USP13: variants seen among roughly 807,000 people sequenced by gnomAD.
USP13 encodes the protein ubiquitin specific peptidase 13, also known as ubiquitin carboxyl-terminal hydrolase 13.
In USP13, 68 loss-of-function variants were observed where a neutral mutation model predicts 107.8. The observed-to-expected ratio is 0.63, with a 90% CI of 0.52 to 0.77. The LOEUF is 0.77. USP13 is among the 30% of genes least tolerant of loss of function. The pLI is 0.00. For synonymous variants in USP13, 377 were observed against 389.5 expected, an observed-to-expected ratio of 0.97 and a Z score of 0.38; for missense variants, 945 against 1,093.3, an observed-to-expected ratio of 0.86 and a Z score of 1.91.
intron 10 of USP13, among the ~76,000 whole-genome samples, chr3:179,734,872 G>A (rs1713934655): frequency 6.6e-6 from 1 of 152,214 alleles, no homozygotes; most frequent in African/African-American, 2.4e-5. Flanking sequence ...TTGCTGTGAT[G>A]TGATAAAAGC....
intron 2 of USP13, among the ~76,000 whole-genome samples, chr3:179,684,519 C>T (rs1711796387): frequency 6.6e-6 from 1 of 151,690 alleles, no homozygotes; most frequent in Non-Finnish European, 1.5e-5. Flanking sequence ...CCATGTTTCC[C>T]AGGTGACCAT....
chr3:179,782,720 A>G (rs901640702), intron 20 of USP13, among the ~76,000 whole-genome samples: 2 of 152,104 alleles, frequency 1.3e-5, no homozygotes, highest in Non-Finnish European at 2.9e-5. Flanking sequence ...TGTCTTCTTA[A>G]CTTGGTAAAA....
chr3:179,684,270 T>TACAC (rs58817778), intron 2 of USP13, among the ~76,000 whole-genome samples: 39,397 of 115,172 alleles, frequency 0.34, 6,635 homozygotes, highest in Non-Finnish European at 0.4. Context: ...TATCACCCTT[T>TACAC]ACACACACAC....
Position 179,690,275 on chromosome 3 carries a change from A to G in USP13, c.329A>G (p.Lys110Arg). Residue 110 changes from lysine to arginine, a missense_variant, in exon 3 of 21, where the codon AAA (lysine) becomes AGA (arginine). Transcript: ENST00000263966. ...GGGGCGTCTGGTGGAGCGTTACCAA[A>G]AAGGAGGAATTCCAAGATTTTTTTA... The part of the protein sequence containing the change: ...VRGASGGALP[K>R]RRNSKIFLDL... 1 of 1,614,054 alleles carries G rather than the reference A, an allele frequency of 6.2e-7. No individual in the cohort carries two copies. Among genetic ancestry groups the G allele is most frequent in the South Asian group, 1.1e-5 (1 of 91,042 alleles).
chr3:179,676,172 G>A (rs1251948599), intron 1 of USP13, among the ~76,000 whole-genome samples: 4 of 152,070 alleles, frequency 2.6e-5, no homozygotes, highest in South Asian at 2.1e-4. Context: ...TTCACCTTCC[G>A]CCATGATTTT....
intron 1 of USP13, among the ~76,000 whole-genome samples, chr3:179,673,956 G>A (rs1164247134): frequency 1.3e-5 from 2 of 152,276 alleles, no homozygotes; most frequent in East Asian, 1.9e-4. Context: ...GCAATGGCGC[G>A]ATCTTGGCTC....
At chr3:179,689,353 A>G (rs748748372) in intron 2 of USP13, among the ~76,000 whole-genome samples, 2 of 152,162 alleles carry the variant, frequency 1.3e-5, no homozygotes, top group Non-Finnish European at 2.9e-5. Flanking sequence ...GGCTTCCATC[A>G]TAGGTAGAAA....
intron 6 of USP13, among the ~76,000 whole-genome samples, chr3:179,715,287 A>C (rs761094816): frequency 6.6e-6 from 1 of 151,494 alleles, no homozygotes; most frequent in Admixed American, 6.6e-5. Context: ...CAGCCTCTAA[A>C]AGTCCTAGGA....
At chr3:179,752,043 A>C (rs1576977379) in intron 13 of USP13, among the ~76,000 whole-genome samples, 1 of 152,196 alleles carries the variant, frequency 6.6e-6, no homozygotes, top group Admixed American at 6.5e-5. Context: ...GCACCTACCC[A>C]AAAGCATTCT....
intron 13 of USP13, among the ~76,000 whole-genome samples, chr3:179,747,918 A>G (rs1714465856): frequency 6.6e-6 from 1 of 152,192 alleles, no homozygotes. Flanking sequence ...GTCTGCATAC[A>G]CACATGCTCT....
At position 179,744,343 on chromosome 3, in the gene USP13, GTTT is replaced by G. The variant is rs3216643; in HGVS notation, c.1535-691_1535-689del. Among the ~76,000 whole-genome samples the G allele has an allele frequency of 4.5e-3, 549 of 121,232 alleles. 2 individuals carry two copies. Among genetic ancestry groups the G allele is most frequent in the Non-Finnish European group, 6.7e-3 (354 of 52,644 alleles). The allele number at this position is 121,232 out of a possible 152,430, so 79.5% of individuals were successfully genotyped here. ...TTGCCAGGCGCTTAGTGGTGGTTCT[GTTT>G]TTTTTTTTGTTTTGTTTTGTTTTTT... On this transcript the variant is annotated intron_variant, in intron 12 of 20. Coordinates refer to ENST00000263966, the MANE Select transcript of USP13 (RefSeq NM_003940.3).
intron 6 of USP13, among the ~76,000 whole-genome samples, chr3:179,719,184 C>T (rs964513649): frequency 3.9e-4 from 59 of 152,132 alleles, no homozygotes; most frequent in African/African-American, 1.4e-3. Flanking sequence ...CCAACACTAG[C>T]GTCTCTCAAA....
intron 19 of USP13, among the ~76,000 whole-genome samples, chr3:179,780,896 A>G (rs1161393768): frequency 1.3e-5 from 2 of 152,102 alleles, no homozygotes; most frequent in African/African-American, 2.4e-5. Context: ...ATTAAATTCA[A>G]CAGACATACA....
chr3:179,732,378 G>A (rs930970199), intron 10 of USP13, among the ~76,000 whole-genome samples: 10 of 152,174 alleles, frequency 6.6e-5, no homozygotes, highest in East Asian at 5.8e-4. Context: ...TCAAACAGGC[G>A]GTGTCACTTC....
intron 1 of USP13, among the ~76,000 whole-genome samples, chr3:179,680,439 G>A (rs9859654): frequency 0.67 from 101,450 of 152,026 alleles, 34,801 homozygotes; most frequent in African/African-American, 0.84. Context: ...CGGAAATCCA[G>A]AATGCTCCAA....
chr3:179,661,740 C>T (rs951179741), intron 1 of USP13, among the ~76,000 whole-genome samples: 4 of 152,136 alleles, frequency 2.6e-5, no homozygotes, highest in African/African-American at 9.7e-5. Flanking sequence ...CTTTGCTAAG[C>T]TTCTCCCATC....
intron 6 of USP13, among the ~76,000 whole-genome samples, chr3:179,710,889 A>G (rs1712898479): frequency 6.6e-6 from 1 of 152,208 alleles, no homozygotes; most frequent in Non-Finnish European, 1.5e-5. Context: ...AGATACAGCA[A>G]CAACATGGTA....
intron 1 of USP13, among the ~76,000 whole-genome samples, chr3:179,676,560 T>C (rs1475803438): frequency 6.6e-6 from 1 of 152,156 alleles, no homozygotes; most frequent in Non-Finnish European, 1.5e-5. Flanking sequence ...ACATAGACTT[T>C]TTATCAGGAT....
intron 1 of USP13, among the ~76,000 whole-genome samples, chr3:179,658,883 G>A (rs1447628128): frequency 6.6e-6 from 1 of 152,224 alleles, no homozygotes; most frequent in Non-Finnish European, 1.5e-5. Flanking sequence ...CAGCAGCTGA[G>A]AAGCAAGAGG....
Sources: gnomAD v4.1 joint callset for allele counts (sites outside exome capture counted in the v4.1 genomes callset) on GRCh38, gnomAD v4.1.1 for gene constraint, MANE v1.5 for transcripts, NCBI Gene and HGNC (gene_info 2026-07-23, HGNC 2026-07-21) for gene names.